ARNT2: variants seen among roughly 807,000 people sequenced by gnomAD.
The protein encoded by ARNT2 is ARNT protein 2.
Under a neutral mutation model 91.7 loss-of-function variants are expected in ARNT2, and 36 were observed. The ratio of observed to expected loss-of-function variants is 0.39; its 90% CI spans 0.30 to 0.52. The LOEUF (loss-of-function observed/expected upper bound fraction) is 0.52. Among genes scored for constraint, ARNT2 ranks in the 20% least tolerant of loss-of-function variants. ARNT2 has a pLI of 0.72. For missense variants in ARNT2, 775 were observed against 939.3 expected (o/e 0.83, Z 2.29); for synonymous variants, 365 against 347.1 (o/e 1.05, Z -0.57).
At chr15:80,485,412 T>C (rs540263668) in intron 5 of ARNT2, among the ~76,000 whole-genome samples, 1 of 152,206 alleles carries the variant, frequency 6.6e-6, no homozygotes, top group Non-Finnish European at 1.5e-5. Context: ...GACACTGTAC[T>C]AAGTGCTGGG....
intron 5 of ARNT2, among the ~76,000 whole-genome samples, chr15:80,484,853 G>A (rs1896944131): frequency 6.6e-6 from 1 of 152,210 alleles, no homozygotes; most frequent in African/African-American, 2.4e-5. Context: ...CAGCGGGGGA[G>A]TGGAAGAATC....
At chr15:80,435,452 C>T (rs1460417754) in intron 1 of ARNT2, among the ~76,000 whole-genome samples, 1 of 152,180 alleles carries the variant, frequency 6.6e-6, no homozygotes, top group Admixed American at 6.5e-5. Context: ...GCTGCATGGG[C>T]CTTTGAACTG....
At chr15:80,434,890 T>C (rs1371975439) in intron 1 of ARNT2, among the ~76,000 whole-genome samples, 2 of 151,998 alleles carry the variant, frequency 1.3e-5, no homozygotes, top group African/African-American at 4.8e-5. Context: ...CTTTCTGAGG[T>C]CCTGGGCGCA....
intron 4 of ARNT2, among the ~76,000 whole-genome samples, chr15:80,470,719 G>A (rs1478352841): frequency 6.6e-6 from 1 of 152,208 alleles, no homozygotes; most frequent in Non-Finnish European, 1.5e-5. Flanking sequence ...TAGTAAAAAC[G>A]CTGTATGCTG....
Position 80,555,060 on chromosome 15 carries a change from T to C in ARNT2, c.1090-5T>C. On this transcript the variant is annotated splice_polypyrimidine_tract_variant and splice_region_variant and intron_variant, in intron 10 of 18. Coordinates refer to ENST00000303329, the MANE Select transcript of ARNT2 (RefSeq NM_014862.4). Reference sequence around the variant, plus strand: ...GGATTATTAAAGCTTGTCTCTTTTATTTAGGATCTTCTGGGAAAGGACATT... The same window carrying C: ...GGATTATTAAAGCTTGTCTCTTTTACTTAGGATCTTCTGGGAAAGGACATT... 3.7e-6 allele frequency: 6 copies of C among 1,613,638 alleles called. No individual in the cohort carries two copies. Among genetic ancestry groups the C allele is most frequent in the South Asian group, 1.1e-5 (1 of 91,064 alleles).
chr15:80,492,104 C>A (rs913498173), intron 5 of ARNT2, among the ~76,000 whole-genome samples: 1 of 151,892 alleles, frequency 6.6e-6, no homozygotes, highest in African/African-American at 2.4e-5. Flanking sequence ...GCAGTGGCAC[C>A]ATCACAGCTC....
At chr15:80,452,663 T>G (rs1896415637) in intron 2 of ARNT2, among the ~76,000 whole-genome samples, 1 of 152,132 alleles carries the variant, frequency 6.6e-6, no homozygotes, top group African/African-American at 2.4e-5. Context: ...CAGGGCTCTG[T>G]GAGGAGGGAG....
chr15:80,411,461 T>C (rs752628735), intron 1 of ARNT2, among the ~76,000 whole-genome samples: 5 of 152,220 alleles, frequency 3.3e-5, no homozygotes, highest in African/African-American at 2.4e-5. Context: ...ATATATCCTA[T>C]ATTTGTGGGT....
chr15:80,571,440 C>A (rs1255527142), intron 12 of ARNT2, among the ~76,000 whole-genome samples: 1 of 152,214 alleles, frequency 6.6e-6, no homozygotes, highest in Non-Finnish European at 1.5e-5. Context: ...TCACCACTTA[C>A]CAGCCTGGTG....
intron 11 of ARNT2, among the ~76,000 whole-genome samples, chr15:80,558,984 C>A (rs113938691): frequency 1.3e-5 from 2 of 152,144 alleles, no homozygotes; most frequent in African/African-American, 4.8e-5. Flanking sequence ...TTATGTAATC[C>A]TCAAACCTAC....
intron 2 of ARNT2, among the ~76,000 whole-genome samples, chr15:80,453,496 C>T (rs1896433951): frequency 6.6e-6 from 1 of 152,212 alleles, no homozygotes; most frequent in African/African-American, 2.4e-5. Flanking sequence ...GTAATTCTTG[C>T]ATCTGACGTT....
In ARNT2 at chr15:80,591,630, C is replaced by A. The variant is rs1893281582; in HGVS notation, c.1981C>A (p.Gln661Lys). The A allele has an allele frequency of 2.5e-6, 4 of 1,614,172 alleles. No homozygotes were observed. The highest frequency in any genetic ancestry group is 3.4e-6 in the Non-Finnish European group (4 of 1,180,010). Residue 661 changes from glutamine to lysine, a missense_variant, in exon 18 of 19, where the codon CAA becomes AAA. Gln to Lys is a moderately conservative substitution (Grantham distance 53). Transcript: ENST00000303329. This position sits in a 1 kb window ranked among gnomAD's most constrained non-coding sequence, Gnocchi z 5.1. ...GCCCTCGGAAGTCTGGTCGCAGTGG[C>A]AAAGCCAGCACCATGGCCAGCAGAG... is the stretch of plus-strand genomic sequence containing the variant. ...GRPSEVWSQW[Q>K]SQHHGQQSGE... is the part of the protein sequence containing the mutation.
At chr15:80,507,940 C>A (rs192924183) in intron 5 of ARNT2, among the ~76,000 whole-genome samples, 1 of 152,110 alleles carries the variant, frequency 6.6e-6, no homozygotes. Context: ...CAAGTGTAGA[C>A]GGCTCTGAAG....
At chr15:80,569,157 C>T (rs909875285) in intron 12 of ARNT2, among the ~76,000 whole-genome samples, 2 of 152,212 alleles carry the variant, frequency 1.3e-5, no homozygotes, top group Non-Finnish European at 2.9e-5. Flanking sequence ...CTCAGAATGC[C>T]CGCTTCATGG....
chr15:80,439,367 T>G (rs765132635), intron 1 of ARNT2, among the ~76,000 whole-genome samples: 7 of 152,184 alleles, frequency 4.6e-5, no homozygotes, highest in Non-Finnish European at 1.0e-4. Context: ...GATCTTGCAA[T>G]AGGTATTTGA....
intron 8 of ARNT2, among the ~76,000 whole-genome samples, chr15:80,528,656 A>G (rs1004876491): frequency 2.6e-5 from 4 of 152,030 alleles, no homozygotes; most frequent in South Asian, 4.1e-4. Flanking sequence ...GTGAGTTCTC[A>G]TTCTTGTTAG....
chr15:80,536,427 C>T (rs760445197), intron 8 of ARNT2, among the ~76,000 whole-genome samples: 1 of 152,120 alleles, frequency 6.6e-6, no homozygotes, highest in Non-Finnish European at 1.5e-5. Flanking sequence ...ATGTTGCCTG[C>T]CCCTTACTGT....
intron 5 of ARNT2, among the ~76,000 whole-genome samples, chr15:80,487,412 T>G: frequency 6.6e-6 from 1 of 151,688 alleles, no homozygotes; most frequent in African/African-American, 2.4e-5. Flanking sequence ...CGTGGAGGGG[T>G]CAAGTCCAGG....
chr15:80,548,714 A>G (rs1182492137), intron 8 of ARNT2, among the ~76,000 whole-genome samples: 2 of 152,168 alleles, frequency 1.3e-5, no homozygotes, highest in African/African-American at 4.8e-5. Flanking sequence ...ACAAGTATAT[A>G]TGAGGAAAAT....
Sources: allele counts gnomAD v4.1 joint callset (sites outside exome capture counted in the v4.1 genomes callset), GRCh38; gene constraint gnomAD v4.1.1; non-coding constraint Gnocchi (gnomAD v3.1); transcripts MANE v1.5; gene names NCBI Gene and HGNC (gene_info 2026-07-23, HGNC 2026-07-21).